GADL1: variants seen among roughly 807,000 people sequenced by gnomAD.
GADL1 encodes GAD like acidic amino acid decarboxylase 1.
A neutral mutation model predicts 69.5 loss-of-function variants in GADL1; 71 were observed. The ratio of observed to expected loss-of-function variants is 1.02; its 90% CI spans 0.84 to 1.25. GADL1 has a LOEUF of 1.25. Ranked by LOEUF, GADL1 falls within the 50% of genes most tolerant of loss-of-function variation. The pLI, the probability that GADL1 is intolerant of heterozygous loss-of-function variation, is 0.00. For missense variants in GADL1, 737 were observed against 631.8 expected (o/e 1.17, Z -1.79); for synonymous variants, 254 against 214.4 (o/e 1.18, Z -1.62).
At chr3:30,862,924 AG>A (rs1039584105) in intron 1 of GADL1, among the ~76,000 whole-genome samples, 21 of 151,998 alleles carry the variant, frequency 1.4e-4, no homozygotes, top group African/African-American at 5.1e-4. Context: ...GGGAGTGTGG[AG>A]GAGACCAAGA....
intron 1 of GADL1, among the ~76,000 whole-genome samples, chr3:30,879,506 T>C (rs956187567): frequency 6.6e-6 from 1 of 151,854 alleles, no homozygotes; most frequent in Non-Finnish European, 1.5e-5. Flanking sequence ...GTCTGCAAGG[T>C]GATCTCCTCC....
chr3:30,794,789 G>A (rs7620290), intron 12 of GADL1, among the ~76,000 whole-genome samples: 29,862 of 152,136 alleles, frequency 0.2, 3,436 homozygotes, highest in Non-Finnish European at 0.26. Flanking sequence ...AGGGGAATAT[G>A]AAGAGGGCTA....
At chr3:30,767,053 C>T (rs952538420) in intron 14 of GADL1, among the ~76,000 whole-genome samples, 1 of 152,112 alleles carries the variant, frequency 6.6e-6, no homozygotes, top group African/African-American at 2.4e-5. Context: ...CTATTCTAAG[C>T]ACTTTGGTAT....
At chr3:30,822,643 C>T (rs73826117) in intron 11 of GADL1, among the ~76,000 whole-genome samples, 7,855 of 151,902 alleles carry the variant, frequency 0.052, 681 homozygotes, top group African/African-American at 0.18. Context: ...AACTAATTTT[C>T]GCATTCTTAA....
At chr3:30,862,604 T>G (rs936271770) in intron 1 of GADL1, among the ~76,000 whole-genome samples, 1 of 151,984 alleles carries the variant, frequency 6.6e-6, no homozygotes, top group African/African-American at 2.4e-5. Flanking sequence ...AAGGAAGAGA[T>G]AATGCATTTC....
chr3:30,739,614 C>T (rs911471924), intron 14 of GADL1, among the ~76,000 whole-genome samples: 1 of 152,140 alleles, frequency 6.6e-6, no homozygotes, highest in African/African-American at 2.4e-5. Context: ...TTTTACTGCA[C>T]TTCTTTATTC....
At chr3:30,761,912 C>T (rs1376689797) in intron 14 of GADL1, among the ~76,000 whole-genome samples, 1 of 152,020 alleles carries the variant, frequency 6.6e-6, no homozygotes, top group East Asian at 1.9e-4. Flanking sequence ...AGTTTATATG[C>T]ATGTGTATAT....
intron 6 of GADL1, 149 bp downstream of exon 6, chr3:30,849,847 G>A (rs759008519): frequency 1.3e-5 from 7 of 522,852 alleles, no homozygotes; most frequent in African/African-American, 9.9e-5. Flanking sequence ...AAACTCGTTA[G>A]AATTTACTTT....
intron 8 of GADL1, among the ~76,000 whole-genome samples, chr3:30,842,124 G>C (rs137923363): frequency 2.0e-5 from 3 of 152,126 alleles, no homozygotes; most frequent in Non-Finnish European, 4.4e-5. Flanking sequence ...TACATTTGAC[G>C]TATCAACCAA....
chr3:30,796,051 A>C (rs1304654978), intron 12 of GADL1, among the ~76,000 whole-genome samples: 1 of 152,250 alleles, frequency 6.6e-6, no homozygotes, highest in Non-Finnish European at 1.5e-5. Context: ...ATTTCTCTGC[A>C]GAAATTAGAA....
At chr3:30,759,230 T>TGAG (rs1352137419) in intron 14 of GADL1, among the ~76,000 whole-genome samples, 237 of 150,978 alleles carry the variant, frequency 1.6e-3, no homozygotes, top group Non-Finnish European at 2.6e-3. Flanking sequence ...TCTGTCTCTT[T>TGAG]AGCTCTCACA....
rs574685946 is a variant in GADL1 at position 30,861,534 on chromosome 3, G to A, written c.210+59C>T. ...CATTTGCTTTCTATTCAGCCATACT[G>A]ATTTGGGGAACATCTATCTTTCCCA... On this transcript the variant is annotated intron_variant, in intron 2 of 14. Transcript: ENST00000282538. 2.5e-5 allele frequency: 33 copies of A among 1,296,708 alleles called. No individual in the cohort carries two copies. The South Asian group carries it at 4.3e-4, about 17-fold the overall frequency. The allele number at this position is 1,296,708 out of a possible 1,614,324, so 80.3% of individuals were successfully genotyped here.
chr3:30,743,259 G>A (rs1695652732), intron 14 of GADL1, among the ~76,000 whole-genome samples: 1 of 152,106 alleles, frequency 6.6e-6, no homozygotes, highest in African/African-American at 2.4e-5. Flanking sequence ...GCTCACAGAA[G>A]GGTTGGCTTT....
intron 11 of GADL1, among the ~76,000 whole-genome samples, chr3:30,830,602 A>G (rs1697771050): frequency 6.6e-6 from 1 of 151,904 alleles, no homozygotes; most frequent in Admixed American, 6.6e-5. Flanking sequence ...AAAGTTTTTC[A>G]GGGCTAAGTT....
rs188734541 is a variant in GADL1, at chr3:30,768,531, A to G, written c.1392+9648T>C. ...AGATATTAGAGGAAATAAGAATGAA[A>G]TTTTGAGAAGGAGAAGAGGGGGAGA... On this transcript the variant is annotated intron_variant, in intron 14 of 14. Coordinates refer to ENST00000282538, the MANE Select transcript of GADL1 (RefSeq NM_207359.3). Among the ~76,000 whole-genome samples the G allele has an allele frequency of 6.4e-3, 905 of 140,760 alleles. 7 individuals carry two copies. Among genetic ancestry groups the G allele is most frequent in the Non-Finnish European group, 8.7e-3 (557 of 64,340 alleles). 92.3% of individuals were successfully genotyped at this position (140,760 alleles called of 152,430 possible). A position where few individuals can be genotyped will look rare whatever the true frequency, so the allele number is the denominator to read the frequency against.
At chr3:30,827,866 C>T (rs758463893) in intron 11 of GADL1, among the ~76,000 whole-genome samples, 3 of 151,884 alleles carry the variant, frequency 2.0e-5, no homozygotes, top group East Asian at 1.9e-4. Flanking sequence ...TTTGGCAGCA[C>T]GAAGCACAAG....
Position 30,728,332 on chromosome 3 carries a change from G to A in GADL1, c.1476C>T (p.Phe492=). 1 of 1,613,928 alleles carries A rather than the reference G, an allele frequency of 6.2e-7. No homozygotes were observed. Among genetic ancestry groups the A allele is most frequent in the Non-Finnish European group, 8.5e-7 (1 of 1,179,864 alleles). ...GAGGGCTGATCACCACCTGGCGGAA[G>A]AAGTTGACCTTTCCCCGGTGCGGCT... ...GYQPHRGKVN[F]FRQVVISPQV... The change falls in exon 15 of 15, where the codon TTC becomes TTT. Residue 492 remains phenylalanine, a synonymous_variant. Coordinates refer to ENST00000282538, the MANE Select transcript of GADL1 (RefSeq NM_207359.3).
chr3:30,809,988 A>G (rs1256371431), intron 11 of GADL1, among the ~76,000 whole-genome samples: 1 of 152,182 alleles, frequency 6.6e-6, no homozygotes, highest in Non-Finnish European at 1.5e-5. Flanking sequence ...TTTATAAGCT[A>G]TGTAATGAAG....
intron 9 of GADL1, among the ~76,000 whole-genome samples, chr3:30,838,307 A>T (rs1285749537): frequency 6.6e-6 from 1 of 152,172 alleles, no homozygotes; most frequent in African/African-American, 2.4e-5. Flanking sequence ...GGCTGAATTC[A>T]GCATTCTAAC....
Sources: gnomAD v4.1 joint callset for allele counts (sites outside exome capture counted in the v4.1 genomes callset) on GRCh38, gnomAD v4.1.1 for gene constraint, MANE v1.5 for transcripts, NCBI Gene and HGNC (gene_info 2026-07-23, HGNC 2026-07-21) for gene names.